ARHGAP1: variants seen among roughly 807,000 people sequenced by gnomAD.
ARHGAP1 encodes the protein rho GTPase-activating protein 1.
Under a neutral mutation model 52.2 loss-of-function variants are expected in ARHGAP1, and 23 were observed. The ratio of observed to expected loss-of-function variants is 0.44; its 90% CI spans 0.32 to 0.62. The LOEUF is 0.62. Among genes scored for constraint, ARHGAP1 ranks in the 20% least tolerant of loss-of-function variants. ARHGAP1 has a pLI of 0.05. For missense variants in ARHGAP1, 480 were observed against 560.9 expected (o/e 0.86, Z 1.46); for synonymous variants, 210 against 228.4 (o/e 0.92, Z 0.73).
intron 3 of ARHGAP1, among the ~76,000 whole-genome samples, chr11:46,690,234 A>G (rs1440600776): frequency 6.6e-6 from 1 of 152,002 alleles, no homozygotes; most frequent in Non-Finnish European, 1.5e-5. Flanking sequence ...CACAAAAAAA[A>G]AAATTAGCCA....
In ARHGAP1 at chr11:46,681,509, T is replaced by C. The variant is rs1296366321; in HGVS notation, c.450-130A>G. 2 of 691,102 alleles carry C rather than the reference T, an allele frequency of 2.9e-6. No homozygotes were observed. Among genetic ancestry groups the C allele is most frequent in the African/African-American group, 1.8e-5 (1 of 55,972 alleles). The allele number at this position is 691,102 out of a possible 1,614,324, so 42.8% of individuals were successfully genotyped here. A position where few individuals can be genotyped will look rare whatever the true frequency, so the allele number is the denominator to read the frequency against. On this transcript the variant is annotated intron_variant, in intron 5 of 12. Transcript: ENST00000311956. This position sits in a 1 kb window ranked among gnomAD's most constrained non-coding sequence, Gnocchi z 5.7. ...CAGGCTGGAGTGTGATCTCAGCTCA[T>C]TGCAGCCTCCACCTCCCGGATTCAA...
chr11:46,679,633 G>T lies in ARHGAP1; in HGVS notation c.1027+15C>A, dbSNP rs375437342. On this transcript the variant is annotated intron_variant, in intron 11 of 12. Transcript: ENST00000311956. The surrounding 1 kb of genome is among the most constrained non-coding windows in gnomAD (Gnocchi z 4.4). ...AAGTCCAGCCCCAGGCCCAACAGAAGAGATGGGGACTCACTGAGGAAGCCC... is the reference window on the plus strand; with the variant it reads ...AAGTCCAGCCCCAGGCCCAACAGAATAGATGGGGACTCACTGAGGAAGCCC... 28 of 1,613,796 alleles carry T rather than the reference G, an allele frequency of 1.7e-5. No individual in the cohort carries two copies. The highest frequency in any genetic ancestry group is 2.1e-5 in the Non-Finnish European group (25 of 1,179,954).
rs1207789465 is a variant in ARHGAP1 at position 46,679,513 on chromosome 11, T to A, written c.1028-45A>T. The A allele has an allele frequency of 6.2e-7, 1 of 1,610,548 alleles. No homozygotes were observed. Among genetic ancestry groups the A allele is most frequent in the Admixed American group, 1.7e-5 (1 of 59,876 alleles). On this transcript the variant is annotated intron_variant, in intron 11 of 12. Coordinates refer to ENST00000311956, the MANE Select transcript of ARHGAP1 (RefSeq NM_004308.5). This position sits in a 1 kb window ranked among gnomAD's most constrained non-coding sequence, Gnocchi z 4.4. Reference sequence around the variant, plus strand: ...GGGTTATAGGGGCCCTAGGCTGGGCTGGTTCAGGACGCTCTGATGCAGGCT... The same window carrying A: ...GGGTTATAGGGGCCCTAGGCTGGGCAGGTTCAGGACGCTCTGATGCAGGCT...
At chr11:46,695,523 C>T in intron 3 of ARHGAP1, 137 bp downstream of exon 3, 1 of 923,746 alleles carries the variant, frequency 1.1e-6, no homozygotes, top group Non-Finnish European at 1.7e-6. Context: ...GCCACTAGGC[C>T]ACATGGCTCC....
In ARHGAP1 at chr11:46,679,581, C is replaced by T; in HGVS notation, c.1027+67G>A. 1 of 1,609,786 alleles carries T rather than the reference C, an allele frequency of 6.2e-7. No homozygotes were observed. The highest frequency in any genetic ancestry group is 1.7e-5 in the Admixed American group (1 of 59,748). On this transcript the variant is annotated intron_variant, in intron 11 of 12. Coordinates refer to ENST00000311956, the MANE Select transcript of ARHGAP1 (RefSeq NM_004308.5). This position sits in a 1 kb window ranked among gnomAD's most constrained non-coding sequence, Gnocchi z 4.4. ...CAGTCTTCCCTGGGAGGCGCCTAGG[C>T]CCGAAAGCCTGCAGCGCACCTGCCC...
chr11:46,691,466 T>C (rs1413919556), intron 3 of ARHGAP1, among the ~76,000 whole-genome samples: 1 of 150,792 alleles, frequency 6.6e-6, no homozygotes, highest in East Asian at 2.0e-4. Context: ...TTTTTTTTTT[T>C]TTTTGAGATG....
chr11:46,690,360 C>T (rs1417305584), intron 3 of ARHGAP1, among the ~76,000 whole-genome samples: 1 of 150,398 alleles, frequency 6.6e-6, no homozygotes, highest in African/African-American at 2.5e-5. Context: ...GCACTCCAGC[C>T]TGGGTGATAA....
intron 4 of ARHGAP1, among the ~76,000 whole-genome samples, chr11:46,682,749 C>T (rs2064538681): frequency 6.6e-6 from 1 of 152,168 alleles, no homozygotes; most frequent in South Asian, 2.1e-4. Context: ...GAGACCAGGA[C>T]CCTAACCCGG....
Position 46,695,650 on chromosome 11 carries a change from G to A in ARHGAP1, c.229+10C>T. On this transcript the variant is annotated intron_variant, in intron 3 of 12. Transcript: ENST00000311956. ...CTGAGGGTTAGGAAAATAGTGTTGGGTGTGCTTACCTGCCACCTCCACGAT... is the reference window on the plus strand; with the variant it reads ...CTGAGGGTTAGGAAAATAGTGTTGGATGTGCTTACCTGCCACCTCCACGAT... The A allele has an allele frequency of 1.3e-6, 2 of 1,551,240 alleles. No individual in the cohort carries two copies. Among genetic ancestry groups the A allele is most frequent in the Non-Finnish European group, 1.7e-6 (2 of 1,146,556 alleles).
In ARHGAP1 at chr11:46,678,909, GTGGGGGAGAGCA is replaced by G; in HGVS notation, c.*116_*127del. 9.2e-7 allele frequency: 1 copy of G among 1,092,458 alleles called. No homozygotes were observed. Among genetic ancestry groups the G allele is most frequent in the Non-Finnish European group, 1.3e-6 (1 of 769,842 alleles). 67.7% of individuals were successfully genotyped at this position (1,092,458 alleles called of 1,614,324 possible). ...GGGCCGTGAGGCGGGCTGGACAGAG[GTGGGGGAGAGCA>G]TGCCTGATGGGTGGCTCCAACATCT... On this transcript the variant is annotated 3_prime_UTR_variant, in exon 13 of 13. Transcript: ENST00000311956.
intron 3 of ARHGAP1, among the ~76,000 whole-genome samples, chr11:46,694,463 G>A (rs992761568): frequency 6.6e-6 from 1 of 152,166 alleles, no homozygotes; most frequent in African/African-American, 2.4e-5. Flanking sequence ...GCTCATCGTA[G>A]TCTAGGGAAA....
chr11:46,700,024 G>T (rs1302929400), intron 1 of ARHGAP1, among the ~76,000 whole-genome samples: 1 of 152,006 alleles, frequency 6.6e-6, no homozygotes, highest in Non-Finnish European at 1.5e-5. Flanking sequence ...ACAAAAATTA[G>T]CCGGGCGTGG....
chr11:46,684,120 C>T (rs761326134), intron 4 of ARHGAP1, among the ~76,000 whole-genome samples: 3 of 152,172 alleles, frequency 2.0e-5, no homozygotes, highest in South Asian at 4.1e-4. Flanking sequence ...AAGACTGGCC[C>T]GTGGGTGCCA....
Position 46,680,103 on chromosome 11 carries a change from C to T in ARHGAP1, c.898+102G>A. The T allele has an allele frequency of 7.3e-7, 1 of 1,374,726 alleles. No individual in the cohort carries two copies. The highest frequency in any genetic ancestry group is 1.0e-6 in the Non-Finnish European group (1 of 970,510). 85.2% of individuals were successfully genotyped at this position (1,374,726 alleles called of 1,614,324 possible). On this transcript the variant is annotated intron_variant, in intron 10 of 12. Transcript: ENST00000311956. The surrounding 1 kb of genome is among the most constrained non-coding windows in gnomAD (Gnocchi z 5.9). ...CACCCAGAGCCACGGAAACCTCCAG[C>T]AGGAAGAGACTCTGAGACTCTCATT...
At position 46,696,396 on chromosome 11, in the gene ARHGAP1, C is replaced by G. The variant is rs918992979; in HGVS notation, c.-49-240G>C. The stretch of plus-strand genomic sequence containing the variant: ...GGATGGCACAGCTCAGCGCCTCCCT[C>G]CAGGCCCTGCAGCTGGGGAGGGAAG... On this transcript the variant is annotated intron_variant, in intron 1 of 12. Transcript: ENST00000311956. This position sits in a 1 kb window ranked among gnomAD's most constrained non-coding sequence, Gnocchi z 4.8. Among the ~76,000 whole-genome samples the G allele has an allele frequency of 6.6e-5, 10 of 152,200 alleles. No individual in the cohort carries two copies. Among genetic ancestry groups the G allele is most frequent in the African/African-American group, 1.9e-4 (8 of 41,450 alleles).
chr11:46,694,607 C>A (rs1029799828), intron 3 of ARHGAP1, among the ~76,000 whole-genome samples: 1 of 152,204 alleles, frequency 6.6e-6, no homozygotes, highest in African/African-American at 2.4e-5. Context: ...GACTCCTTCA[C>A]ATCAGGTACC....
intron 3 of ARHGAP1, among the ~76,000 whole-genome samples, chr11:46,694,893 C>G (rs1203316614): frequency 6.6e-6 from 1 of 152,228 alleles, no homozygotes; most frequent in Non-Finnish European, 1.5e-5. Context: ...CTGCCAGGTT[C>G]TCCTTGCCCA....
Position 46,678,729 on chromosome 11 carries a change from G to A in ARHGAP1, c.*308C>T, listed in dbSNP as rs190916764. 21 of 357,086 alleles carry A rather than the reference G, an allele frequency of 5.9e-5. No homozygotes were observed. In the East Asian group the frequency reaches 1.0e-3, roughly 17 times the overall value. The allele number at this position is 357,086 out of a possible 1,614,324, so 22.1% of individuals were successfully genotyped here. A position where few individuals can be genotyped will look rare whatever the true frequency, so the allele number is the denominator to read the frequency against. On this transcript the variant is annotated 3_prime_UTR_variant, in exon 13 of 13. Coordinates refer to ENST00000311956, the MANE Select transcript of ARHGAP1 (RefSeq NM_004308.5). ...CACACTTGCTAGGGAAACAGAGGCA[G>A]GAAAAAGCAGGAAAGGGGTTACTGG... is the stretch of plus-strand genomic sequence containing the variant.
At chr11:46,685,434 T>C (rs2064561750) in intron 4 of ARHGAP1, among the ~76,000 whole-genome samples, 1 of 151,740 alleles carries the variant, frequency 6.6e-6, no homozygotes, top group Admixed American at 6.6e-5. Flanking sequence ...TTCAGGTGAT[T>C]CTCCAGCCTC....
Sources: gnomAD v4.1 joint callset for allele counts (sites outside exome capture counted in the v4.1 genomes callset) on GRCh38, gnomAD v4.1.1 for gene constraint, Gnocchi (gnomAD v3.1) non-coding constraint, MANE v1.5 for transcripts, NCBI Gene and HGNC (gene_info 2026-07-23, HGNC 2026-07-21) for gene names.